Variants in OTUD1 observed in about 807,000 individuals in gnomAD.
OTUD1 encodes the protein OTU deubiquitinase 1.
Under a neutral mutation model 30.0 loss-of-function variants are expected in OTUD1, and 15 were observed. The observed-to-expected ratio is 0.50, with a 90% CI of 0.33 to 0.77. OTUD1 has a LOEUF of 0.77. OTUD1 is among the 30% of genes least tolerant of loss of function. The pLI, the probability that OTUD1 is intolerant of heterozygous loss-of-function variation, is 0.02. For missense variants in OTUD1, 796 were observed against 697.8 expected, an observed-to-expected ratio of 1.14 and a Z score of -1.59; for synonymous variants, 381 against 326.3, an observed-to-expected ratio of 1.17 and a Z score of -1.81.
Position 23,440,656 on chromosome 10 carries a change from T to A in OTUD1, c.1199T>A (p.Leu400Gln). 6.4e-7 allele frequency: 1 copy of A among 1,551,800 alleles called. No homozygotes were observed. The highest frequency in any genetic ancestry group is 2.4e-5 in the East Asian group (1 of 40,922). ...ATCCATTTAACTACTGGAGGGAGGC[T>A]GGAGAGTCCCACGGTGTCTACCATG... Reference protein sequence around the residue: ...VNIHLTTGGRLESPTVSTMIH... With the variant: ...VNIHLTTGGRQESPTVSTMIH... The change falls in exon 1 of 1, where the codon CTG (leucine) becomes CAG (glutamine). Residue 400 changes from leucine to glutamine, a missense_variant. Leu to Gln is a moderately radical substitution (Grantham distance 113). Coordinates refer to ENST00000376495, the MANE Select transcript of OTUD1 (RefSeq NM_001145373.3).
At position 23,439,660 on chromosome 10, in the gene OTUD1, C is replaced by T; in HGVS notation, c.203C>T (p.Pro68Leu). 1.5e-6 allele frequency: 2 copies of T among 1,302,052 alleles called. No individual in the cohort carries two copies. Among genetic ancestry groups the T allele is most frequent in the Non-Finnish European group, 2.0e-6 (2 of 1,018,300 alleles). 80.7% of individuals were successfully genotyped at this position (1,302,052 alleles called of 1,614,324 possible). A position where few individuals can be genotyped will look rare whatever the true frequency, so the allele number is the denominator to read the frequency against. Residue 68 changes from proline (P) to leucine (L), a missense_variant, in exon 1 of 1, where the codon CCC (proline) becomes CTC (leucine). Coordinates refer to ENST00000376495, the MANE Select transcript of OTUD1 (RefSeq NM_001145373.3). ...AAEHREAAAV[P>L]AAKMPAFSSC... ...GAGCACCGGGAAGCCGCCGCTGTCC[C>T]CGCCGCCAAGATGCCCGCCTTCTCC...
chr10:23,439,757 C>T lies in OTUD1; in HGVS notation c.300C>T (p.Cys100=), dbSNP rs1267193985. The change falls in exon 1 of 1, where the codon TGC becomes TGT. Residue 100 remains cysteine, a synonymous_variant. Transcript: ENST00000376495. ...CCGCCGGCCCGCCCGGCGCGTCCTG[C>T]AAGCCGCCGCTGCCGCCGCACTACA... ...SAAAGPPGAS[C]KPPLPPHYTS... 1.7e-6 allele frequency: 2 copies of T among 1,159,302 alleles called. No homozygotes were observed. The highest frequency in any genetic ancestry group is 3.4e-5 in the South Asian group (1 of 29,590). 71.8% of individuals were successfully genotyped at this position (1,159,302 alleles called of 1,614,324 possible).
In OTUD1 at chr10:23,439,307, T is replaced by C. The variant is rs1247702623; in HGVS notation, c.-151T>C. 3 of 621,786 alleles carry C rather than the reference T, an allele frequency of 4.8e-6. No homozygotes were observed. In the African/African-American group the frequency reaches 5.8e-5, roughly 12 times the overall value. The allele number at this position is 621,786 out of a possible 1,614,324, so 38.5% of individuals were successfully genotyped here. The stretch of plus-strand genomic sequence containing the variant: ...GGACCCGGGCGCTATTCGCGGCTGC[T>C]GACTCGCGGCGGCCGGCTGCCTTTC... On this transcript the variant is annotated 5_prime_UTR_variant, in exon 1 of 1. Coordinates refer to ENST00000376495, the MANE Select transcript of OTUD1 (RefSeq NM_001145373.3).
chr10:23,439,194 C>G lies in OTUD1; in HGVS notation c.-264C>G, dbSNP rs865897479. Among the ~76,000 whole-genome samples the G allele has an allele frequency of 9.2e-4, 139 of 151,314 alleles. 1 individual carries two copies. Among genetic ancestry groups the G allele is most frequent in the Middle Eastern group, 6.9e-3 (2 of 288 alleles). On this transcript the variant is annotated 5_prime_UTR_variant, in exon 1 of 1. Transcript: ENST00000376495. ...AGCAGCTGCAGCGGGCGCGGCGCCC[C>G]GGGTCTGCGGGCCGAGCGCACCGGC... is the stretch of plus-strand genomic sequence containing the variant.
In OTUD1 at chr10:23,440,287, C is replaced by T; in HGVS notation, c.830C>T (p.Pro277Leu). 2 of 1,550,246 alleles carry T rather than the reference C, an allele frequency of 1.3e-6. No individual in the cohort carries two copies. Among genetic ancestry groups the T allele is most frequent in the Non-Finnish European group, 1.7e-6 (2 of 1,146,556 alleles). ...IEAAPSSAAE[P>L]VIVSRSDPRD... ...GCCGCCCCGAGTAGTGCGGCGGAGC[C>T]GGTGATCGTCTCCAGGTCGGATCCC... Residue 277 changes from proline to leucine, a missense_variant, in exon 1 of 1, where the codon CCG (proline) becomes CTG (leucine). Coordinates refer to ENST00000376495, the MANE Select transcript of OTUD1 (RefSeq NM_001145373.3).
In OTUD1 at chr10:23,439,491, C is replaced by T. The variant is rs1457489857; in HGVS notation, c.34C>T (p.Pro12Ser). 4.2e-5 allele frequency: 58 copies of T among 1,368,806 alleles called. No homozygotes were observed. The highest frequency in any genetic ancestry group is 4.5e-5 in the Non-Finnish European group (48 of 1,061,248). 84.8% of individuals were successfully genotyped at this position (1,368,806 alleles called of 1,614,324 possible). Reference protein sequence around the residue: ...QLYSSVCTHYPAGAPGPTAAA... With the variant: ...QLYSSVCTHYSAGAPGPTAAA... ...CTACAGCAGCGTCTGCACCCACTAC[C>T]CCGCCGGGGCCCCGGGTCCCACGGC... Residue 12 changes from proline (P) to serine (S), a missense_variant, in exon 1 of 1, where the codon CCC (proline) becomes TCC (serine). By Grantham distance (74) the Pro-to-Ser change is moderately conservative (BLOSUM62 -1). Transcript: ENST00000376495.
Position 23,439,493 on chromosome 10 carries a change from C to T in OTUD1, c.36C>T (p.Pro12=), listed in dbSNP as rs1161588100. The T allele has an allele frequency of 7.3e-7, 1 of 1,368,850 alleles. No individual in the cohort carries two copies. The allele number at this position is 1,368,850 out of a possible 1,614,324, so 84.8% of individuals were successfully genotyped here. The change falls in exon 1 of 1, where the codon CCC becomes CCT. Residue 12 remains proline, a synonymous_variant. Transcript: ENST00000376495. ...ACAGCAGCGTCTGCACCCACTACCC[C>T]GCCGGGGCCCCGGGTCCCACGGCCG... The part of the protein sequence containing the change: ...QLYSSVCTHY[P]AGAPGPTAAA...
chr10:23,439,131 G>C lies in OTUD1; in HGVS notation c.-327G>C, dbSNP rs1462648069. On this transcript the variant is annotated 5_prime_UTR_variant, in exon 1 of 1. Transcript: ENST00000376495. ...GGGACGCGCTCCAACGGGGCGGGCG[G>C]CTTCCTCCGTGAGTCCCCAGCGGCC... Among the ~76,000 whole-genome samples, 1 of 150,930 alleles carries C rather than the reference G, an allele frequency of 6.6e-6. No homozygotes were observed. Among genetic ancestry groups the C allele is most frequent in the Admixed American group, 6.6e-5 (1 of 15,146 alleles).
rs1847112038 is a variant in OTUD1, at chr10:23,440,185, G to T, written c.728G>T (p.Arg243Leu). The change falls in exon 1 of 1, where the codon CGC (arginine) becomes CTC (leucine). Residue 243 changes from arginine (R) to leucine (L), a missense_variant. Transcript: ENST00000376495. ...GPRGWERGGD[R>L]CDAPGGDAAR... ...AGGGGCTGGGAGAGGGGCGGCGATC[G>T]CTGCGACGCGCCCGGTGGGGACGCG... is the stretch of plus-strand genomic sequence containing the variant. 2 of 1,457,582 alleles carry T rather than the reference G, an allele frequency of 1.4e-6. No homozygotes were observed. Among genetic ancestry groups the T allele is most frequent in the African/African-American group, 2.9e-5 (2 of 68,894 alleles). 90.3% of individuals were successfully genotyped at this position (1,457,582 alleles called of 1,614,324 possible). A position where few individuals can be genotyped will look rare whatever the true frequency, so the allele number is the denominator to read the frequency against.
At position 23,441,551 on chromosome 10, in the gene OTUD1, G is replaced by A. The variant is rs1847128679; in HGVS notation, c.*648G>A. 6.0e-6 allele frequency: 1 copy of A among 166,316 alleles called. No homozygotes were observed. Among genetic ancestry groups the A allele is most frequent in the South Asian group, 2.1e-4 (1 of 4,820 alleles). The allele number at this position is 166,316 out of a possible 1,614,324, so 10.3% of individuals were successfully genotyped here. ...AAAATTACTTAATGGAAGGTTGTGG[G>A]AAGGTGTTTTTTTGTGTTTTTTTTT... On this transcript the variant is annotated 3_prime_UTR_variant, in exon 1 of 1. Coordinates refer to ENST00000376495, the MANE Select transcript of OTUD1 (RefSeq NM_001145373.3).
In OTUD1 at chr10:23,440,269, C is replaced by G. The variant is rs1003020674; in HGVS notation, c.812C>G (p.Pro271Arg). 123 of 1,548,982 alleles carry G rather than the reference C, an allele frequency of 7.9e-5. No individual in the cohort carries two copies. The highest frequency in any genetic ancestry group is 5.6e-4 in the East Asian group (23 of 40,850). Residue 271 changes from proline to arginine, a missense_variant, in exon 1 of 1, where the codon CCG (proline) becomes CGG (arginine). Coordinates refer to ENST00000376495, the MANE Select transcript of OTUD1 (RefSeq NM_001145373.3). ...APPAGSIEAA[P>R]SSAAEPVIVS... ...CCCGCCGGGAGCATCGAGGCCGCCC[C>G]GAGTAGTGCGGCGGAGCCGGTGATC...
In OTUD1 at chr10:23,440,708, CCT is replaced by C; in HGVS notation, c.1252_1253del (p.Leu418GlufsTer3). 1.3e-6 allele frequency: 2 copies of C among 1,551,912 alleles called. No individual in the cohort carries two copies. Among genetic ancestry groups the C allele is most frequent in the Non-Finnish European group, 1.7e-6 (2 of 1,147,052 alleles). On this transcript the variant is annotated frameshift_variant, in exon 1 of 1. Transcript: ENST00000376495. LOFTEE classifies it high-confidence loss of function. ...MIHYLGPEDS[L>X]RPSIWLSWLS... is the part of the protein sequence containing the mutation. ...TTCATTATTTGGGCCCAGAGGATTC[CCT>C]GAGGCCTAGTATTTGGCTCAGTTGG...
In OTUD1 at chr10:23,439,084, C is replaced by T. The variant is rs1847095017; in HGVS notation, c.-374C>T. Among the ~76,000 whole-genome samples, 1 of 150,484 alleles carries T rather than the reference C, an allele frequency of 6.6e-6. No individual in the cohort carries two copies. Among genetic ancestry groups the T allele is most frequent in the Non-Finnish European group, 1.5e-5 (1 of 67,376 alleles). Reference sequence around the variant, plus strand: ...GCCCCGCCTCCCGGGCCTCCGCGCGCACCGCGCTCCTCCTCGCCGGCGGGA... The same window carrying T: ...GCCCCGCCTCCCGGGCCTCCGCGCGTACCGCGCTCCTCCTCGCCGGCGGGA... On this transcript the variant is annotated 5_prime_UTR_variant, in exon 1 of 1. Transcript: ENST00000376495.
In OTUD1 at chr10:23,439,348, G is replaced by A; in HGVS notation, c.-110G>A. ...GCTGCCTTTCGCTCATCTCTATTCTGGGGCCGTTGGGTCACCGCGCTCCGC... is the reference window on the plus strand; with the variant it reads ...GCTGCCTTTCGCTCATCTCTATTCTAGGGCCGTTGGGTCACCGCGCTCCGC... On this transcript the variant is annotated 5_prime_UTR_variant, in exon 1 of 1. Transcript: ENST00000376495. 1.0e-6 allele frequency: 1 copy of A among 992,138 alleles called. No homozygotes were observed. The highest frequency in any genetic ancestry group is 1.3e-6 in the Non-Finnish European group (1 of 774,794). 61.5% of individuals were successfully genotyped at this position (992,138 alleles called of 1,614,324 possible).
rs1847135184 is a variant in OTUD1 at position 23,442,027 on chromosome 10, A to C, written c.*1124A>C. On this transcript the variant is annotated 3_prime_UTR_variant, in exon 1 of 1. Transcript: ENST00000376495. ...TAAAATCAATCTCATTGCCACTTTAACTACTTTTAGTCATATTTATTAAGT... is the reference window on the plus strand; with the variant it reads ...TAAAATCAATCTCATTGCCACTTTACCTACTTTTAGTCATATTTATTAAGT... 1.2e-5 allele frequency: 2 copies of C among 166,946 alleles called. No homozygotes were observed. Among genetic ancestry groups the C allele is most frequent in the Admixed American group, 6.5e-5 (1 of 15,284 alleles). 10.3% of individuals were successfully genotyped at this position (166,946 alleles called of 1,614,324 possible).
Position 23,439,537 on chromosome 10 carries a change from C to T in OTUD1, c.80C>T (p.Ala27Val), listed in dbSNP as rs1431583811. The change falls in exon 1 of 1, where the codon GCC (alanine) becomes GTC (valine). Residue 27 changes from alanine (A) to valine (V), a missense_variant. Coordinates refer to ENST00000376495, the MANE Select transcript of OTUD1 (RefSeq NM_001145373.3). The stretch of plus-strand genomic sequence containing the variant: ...ACGGCCGCCGCCCCCGCGCCACCCG[C>T]CGCCGCTACCCCCTTCAAGGTCTCG... The part of the protein sequence containing the change: ...GPTAAAPAPP[A>V]AATPFKVSLQ... The T allele has an allele frequency of 2.9e-6, 4 of 1,360,902 alleles. No individual in the cohort carries two copies. The South Asian group carries it at 4.9e-5, about 17-fold the overall frequency. The allele number at this position is 1,360,902 out of a possible 1,614,324, so 84.3% of individuals were successfully genotyped here. A position where few individuals can be genotyped will look rare whatever the true frequency, so the allele number is the denominator to read the frequency against.
At position 23,440,074 on chromosome 10, in the gene OTUD1, A is replaced by T. The variant is rs1847110544; in HGVS notation, c.617A>T (p.Lys206Met). 3.5e-6 allele frequency: 5 copies of T among 1,447,612 alleles called. No individual in the cohort carries two copies. Among genetic ancestry groups the T allele is most frequent in the Non-Finnish European group, 3.6e-6 (4 of 1,107,126 alleles). 89.7% of individuals were successfully genotyped at this position (1,447,612 alleles called of 1,614,324 possible). A position where few individuals can be genotyped will look rare whatever the true frequency, so the allele number is the denominator to read the frequency against. The stretch of plus-strand genomic sequence containing the variant: ...CACCGCCAGGCCCTGGCCGCCGCCA[A>T]GCACCGAGGCCCCGCGGCGACCCCG... ...SEHRQALAAA[K>M]HRGPAATPGS... Residue 206 changes from lysine to methionine, a missense_variant, in exon 1 of 1, where the codon AAG becomes ATG. Physicochemically the swap from Lys to Met is moderately conservative, Grantham distance 95. Coordinates refer to ENST00000376495, the MANE Select transcript of OTUD1 (RefSeq NM_001145373.3).
At position 23,439,699 on chromosome 10, in the gene OTUD1, T is replaced by G; in HGVS notation, c.242T>G (p.Val81Gly). 8.0e-7 allele frequency: 1 copy of G among 1,251,798 alleles called. No individual in the cohort carries two copies. The highest frequency in any genetic ancestry group is 2.1e-5 in the South Asian group (1 of 48,572). The allele number at this position is 1,251,798 out of a possible 1,614,324, so 77.5% of individuals were successfully genotyped here. Residue 81 changes from valine to glycine, a missense_variant, in exon 1 of 1, where the codon GTG becomes GGG. Coordinates refer to ENST00000376495, the MANE Select transcript of OTUD1 (RefSeq NM_001145373.3). ...KMPAFSSCFE[V>G]VSGAAAPASA... ...CCCGCCTTCTCCTCCTGCTTCGAGG[T>G]GGTGTCCGGGGCCGCCGCGCCCGCC...
In OTUD1 at chr10:23,441,076, G is replaced by A. The variant is rs1847122774; in HGVS notation, c.*173G>A. On this transcript the variant is annotated 3_prime_UTR_variant, in exon 1 of 1. Coordinates refer to ENST00000376495, the MANE Select transcript of OTUD1 (RefSeq NM_001145373.3). ...TTTTCTCAGAGCTGGAGGTTGCTGGGCACCTAAATGATGTTTCATGATAGC... is the reference window on the plus strand; with the variant it reads ...TTTTCTCAGAGCTGGAGGTTGCTGGACACCTAAATGATGTTTCATGATAGC... 25 of 700,760 alleles carry A rather than the reference G, an allele frequency of 3.6e-5. No homozygotes were observed. The South Asian group carries it at 5.0e-4, about 14-fold the overall frequency. 43.4% of individuals were successfully genotyped at this position (700,760 alleles called of 1,614,324 possible).
Sources: allele counts gnomAD v4.1 joint callset (sites outside exome capture counted in the v4.1 genomes callset), GRCh38; gene constraint gnomAD v4.1.1; transcripts MANE v1.5; gene names NCBI Gene and HGNC (gene_info 2026-07-23, HGNC 2026-07-21).